ACOT12: variants seen among roughly 807,000 people sequenced by gnomAD.
ACOT12 encodes acetyl-coenzyme A thioesterase.
In ACOT12, 51 loss-of-function variants were observed where a neutral mutation model predicts 67.7. The ratio of observed to expected loss-of-function variants is 0.75; its 90% CI spans 0.60 to 0.95. The LOEUF (loss-of-function observed/expected upper bound fraction) is 0.95. Among genes scored for constraint, ACOT12 ranks in the 40% least tolerant of loss-of-function variants. The pLI is 0.00. For synonymous variants in ACOT12, 251 were observed against 244.6 expected (o/e 1.03, Z -0.24); for missense variants, 734 against 708.1 (o/e 1.04, Z -0.41).
At chr5:81,315,192 A>T in the ACOT12 span, among the ~76,000 whole-genome samples, 1 of 151,842 alleles carries the variant, frequency 6.6e-6, no homozygotes, top group African/African-American at 2.4e-5. Context: ...CTTTAAACAG[A>T]CTCACTTTCC....
chr5:81,356,034 G>A (rs73766220), intron 5 of ACOT12, among the ~76,000 whole-genome samples: 7,387 of 152,204 alleles, frequency 0.049, 587 homozygotes, highest in African/African-American at 0.17. Flanking sequence ...CATGAGGCTC[G>A]CAGCTCTACT....
intron 5 of ACOT12, among the ~76,000 whole-genome samples, chr5:81,356,272 A>G (rs73766222): frequency 0.064 from 9,776 of 152,142 alleles, 1,021 homozygotes; most frequent in African/African-American, 0.22. Flanking sequence ...GACAGGTTTT[A>G]TTCCTCACTT....
chr5:81,321,662 T>A, the ACOT12 span, among the ~76,000 whole-genome samples: 1 of 152,162 alleles, frequency 6.6e-6, no homozygotes, highest in Non-Finnish European at 1.5e-5. Flanking sequence ...AATGATAAAG[T>A]GGGCCAGGTG....
chr5:81,327,865 A>T (rs1383016413), downstream of ACOT12, among the ~76,000 whole-genome samples: 8 of 152,152 alleles, frequency 5.3e-5, no homozygotes, highest in Non-Finnish European at 7.3e-5. Context: ...CAAAGAAAAA[A>T]ATCAGTGGGA....
At chr5:81,311,621 A>C in the ACOT12 span, among the ~76,000 whole-genome samples, 1 of 152,236 alleles carries the variant, frequency 6.6e-6, no homozygotes, top group East Asian at 1.9e-4. Context: ...AAAAAATATG[A>C]AATAACTTTC....
chr5:81,310,491 A>AATTC, the ACOT12 span, among the ~76,000 whole-genome samples: 2 of 152,162 alleles, frequency 1.3e-5, no homozygotes, highest in Non-Finnish European at 2.9e-5. Context: ...AAAAAAAGAA[A>AATTC]ATTCAGCCAG....
At chr5:81,328,160 G>C (rs1024345370), downstream of ACOT12, among the ~76,000 whole-genome samples, 2 of 152,040 alleles carry the variant, frequency 1.3e-5, no homozygotes, top group Admixed American at 6.6e-5. Context: ...GAGATCCTCA[G>C]CCCACTCCCT....
the ACOT12 span, among the ~76,000 whole-genome samples, chr5:81,311,657 A>G: frequency 2.0e-5 from 3 of 152,246 alleles, no homozygotes; most frequent in Non-Finnish European, 4.4e-5. Context: ...GAGTGTCCTT[A>G]TGTATGCTTT....
chr5:81,316,944 A>G, the ACOT12 span, among the ~76,000 whole-genome samples: 4 of 152,184 alleles, frequency 2.6e-5, no homozygotes, highest in Admixed American at 6.5e-5. Context: ...TATTTATTCT[A>G]TATACAAATT....
intron 5 of ACOT12, among the ~76,000 whole-genome samples, chr5:81,358,007 C>CAA (rs777333534): frequency 1.0e-2 from 678 of 67,948 alleles, no homozygotes; most frequent in East Asian, 0.013. Flanking sequence ...CCCCATCTCA[C>CAA]AAAAAAAAAA....
chr5:81,345,012 A>G lies in ACOT12; in HGVS notation c.803T>C (p.Phe268Ser), dbSNP rs1759332471. 6.2e-7 allele frequency: 1 copy of G among 1,613,932 alleles called. No individual in the cohort carries two copies. Among genetic ancestry groups the G allele is most frequent in the African/African-American group, 1.3e-5 (1 of 74,938 alleles). ...GCCCTCGGCCCATTCCTGACAGTCAAAGGCCTCCACGCGAACTCCAACTTC... is the reference window on the plus strand; with the variant it reads ...GCCCTCGGCCCATTCCTGACAGTCAGAGGCCTCCACGCGAACTCCAACTTC... ...CVEVGVRVEA[F>S]DCQEWAEGRG... Residue 268 changes from phenylalanine to serine, a missense_variant, in exon 8 of 15, where the codon TTT becomes TCT. Transcript: ENST00000307624.
At chr5:81,371,691 T>A in intron 3 of ACOT12, 59 bp downstream of exon 3, 1 of 1,533,254 alleles carries the variant, frequency 6.5e-7, no homozygotes. Context: ...TGCTCTACCC[T>A]TTGTAAACAA....
downstream of ACOT12, among the ~76,000 whole-genome samples, chr5:81,325,924 C>T (rs1329598204): frequency 1.3e-5 from 2 of 152,044 alleles, no homozygotes; most frequent in African/African-American, 4.8e-5. Context: ...ATCCTCCCAC[C>T]TCAGCCTCCC....
chr5:81,331,275 C>T (rs960549631), intron 13 of ACOT12, among the ~76,000 whole-genome samples: 4 of 152,212 alleles, frequency 2.6e-5, no homozygotes, highest in African/African-American at 7.2e-5. Flanking sequence ...CAGTGGCTCA[C>T]GCCTGTAATC....
Position 81,330,584 on chromosome 5 carries a change from A to G in ACOT12, c.1519-41T>C, listed in dbSNP as rs1158390301. On this transcript the variant is annotated intron_variant, in intron 14 of 14. Transcript: ENST00000307624. The stretch of plus-strand genomic sequence containing the variant: ...AGTACAATATTTTAATTTCTTATTG[A>G]CTTGGAGCTTTTTCAAGAAAGGATC... The G allele has an allele frequency of 1.9e-6, 3 of 1,601,568 alleles. No individual in the cohort carries two copies. In the South Asian group the frequency reaches 3.3e-5, roughly 18 times the overall value.
At chr5:81,335,236 T>C (rs1025165873) in intron 12 of ACOT12, among the ~76,000 whole-genome samples, 5 of 152,228 alleles carry the variant, frequency 3.3e-5, no homozygotes, top group Admixed American at 6.5e-5. Context: ...AATATTGACC[T>C]TGAAGTTACT....
intron 4 of ACOT12, among the ~76,000 whole-genome samples, chr5:81,362,333 T>C (rs1301108513): frequency 6.6e-6 from 1 of 151,978 alleles, no homozygotes; most frequent in African/African-American, 2.4e-5. Context: ...GCCCAGTTAA[T>C]TTTTGTATTT....
the ACOT12 span, chr5:81,312,694 C>T: frequency 6.7e-7 from 1 of 1,502,926 alleles, no homozygotes. Context: ...GTTACTACCT[C>T]ATTGTTACTT....
At chr5:81,381,088 T>C (rs2153858521) in intron 2 of ACOT12, among the ~76,000 whole-genome samples, 1 of 151,458 alleles carries the variant, frequency 6.6e-6, no homozygotes, top group East Asian at 1.9e-4. Flanking sequence ...TTTTTAGAGA[T>C]GGGGTTTTGC....
Sources: gnomAD v4.1 joint callset for allele counts (sites outside exome capture counted in the v4.1 genomes callset) on GRCh38, gnomAD v4.1.1 for gene constraint, MANE v1.5 for transcripts, NCBI Gene and HGNC (gene_info 2026-07-23, HGNC 2026-07-21) for gene names.